LRRC37A2: variants seen among roughly 807,000 people sequenced by gnomAD.
LRRC37A2 encodes the protein leucine rich repeat containing 37 member A2.
A neutral mutation model predicts 68.8 loss-of-function variants in LRRC37A2; 9 were observed. That is an observed-to-expected ratio of 0.13 (90% CI 0.08 to 0.23). The LOEUF (loss-of-function observed/expected upper bound fraction) is 0.23. Among genes scored for constraint, LRRC37A2 ranks in the 10% least tolerant of loss-of-function variants. LRRC37A2 has a pLI of 1.00. For synonymous variants in LRRC37A2, 63 were observed against 367.6 expected, an observed-to-expected ratio of 0.17 and a Z score of 9.48; for missense variants, 168 against 950.4, an observed-to-expected ratio of 0.18 and a Z score of 10.82.
the LRRC37A2 span, among the ~76,000 whole-genome samples, chr17:46,785,068 T>C: frequency 8.4e-4 from 128 of 152,276 alleles, no homozygotes; most frequent in East Asian, 3.1e-3. Flanking sequence ...TGAGCCACCG[T>C]GCCCGGCCTC....
At chr17:47,013,005 A>G in the LRRC37A2 span, among the ~76,000 whole-genome samples, 12 of 152,384 alleles carry the variant, frequency 7.9e-5, no homozygotes, top group East Asian at 2.3e-3. Flanking sequence ...GTCTATTCAT[A>G]CAATGGAATA....
At chr17:46,684,901 G>T in the LRRC37A2 span, among the ~76,000 whole-genome samples, 1 of 102,714 alleles carries the variant, frequency 9.7e-6, no homozygotes, top group African/African-American at 3.7e-5. Context: ...GTAATTTCTA[G>T]TGTGATGAAA....
the LRRC37A2 span, among the ~76,000 whole-genome samples, chr17:46,697,384 G>A: frequency 4.7e-5 from 7 of 148,898 alleles, no homozygotes; most frequent in Non-Finnish European, 8.9e-5. Flanking sequence ...CTAATTTTTT[G>A]TATCTTTAGT....
At chr17:46,765,894 G>A in the LRRC37A2 span, among the ~76,000 whole-genome samples, 1 of 152,244 alleles carries the variant, frequency 6.6e-6, no homozygotes, top group African/African-American at 2.4e-5. Flanking sequence ...AGGCAGAAGA[G>A]CTGGCCTGGG....
chr17:46,492,973 C>T, the LRRC37A2 span, among the ~76,000 whole-genome samples: 7 of 148,046 alleles, frequency 4.7e-5, 1 homozygote, highest in African/African-American at 1.3e-4. Context: ...GGATTACAGA[C>T]GTGAGCCACT....
the LRRC37A2 span, among the ~76,000 whole-genome samples, chr17:46,922,283 T>C: frequency 6.6e-6 from 1 of 151,012 alleles, no homozygotes; most frequent in African/African-American, 2.4e-5. Context: ...AACTGAACGA[T>C]GAGAACACTT....
chr17:46,705,045 AT>A, the LRRC37A2 span, among the ~76,000 whole-genome samples: 1 of 149,530 alleles, frequency 6.7e-6, no homozygotes, highest in African/African-American at 2.5e-5. Context: ...GGCTGGTGAT[AT>A]TATTTACTGA....
chr17:46,500,751 A>G, the LRRC37A2 span, among the ~76,000 whole-genome samples: 1 of 151,164 alleles, frequency 6.6e-6, no homozygotes, highest in Non-Finnish European at 1.5e-5. Context: ...AAGTTTGAAG[A>G]TAACTTCTGG....
the LRRC37A2 span, among the ~76,000 whole-genome samples, chr17:46,610,099 T>C: frequency 2.3e-4 from 21 of 89,498 alleles, 4 homozygotes; most frequent in East Asian, 7.4e-4. Context: ...TTTTCTCTCT[T>C]TCTCTCTCTC....
the LRRC37A2 span, among the ~76,000 whole-genome samples, chr17:46,916,293 G>C: frequency 9.9e-5 from 15 of 152,192 alleles, no homozygotes; most frequent in African/African-American, 3.6e-4. Context: ...TTCCAGGTGA[G>C]GGCCAGATGT....
chr17:46,934,565 T>TTAAC, the LRRC37A2 span, among the ~76,000 whole-genome samples: 1 of 152,070 alleles, frequency 6.6e-6, no homozygotes, highest in African/African-American at 2.4e-5. Flanking sequence ...CTATCCTTAG[T>TTAAC]TAACTCTCAG....
chr17:46,887,110 C>T, the LRRC37A2 span, among the ~76,000 whole-genome samples: 2 of 152,164 alleles, frequency 1.3e-5, no homozygotes, highest in Non-Finnish European at 2.9e-5. Context: ...AGCCACTGTG[C>T]CCGGCCAGCA....
At chr17:46,993,344 AG>A in the LRRC37A2 span, among the ~76,000 whole-genome samples, 2 of 152,256 alleles carry the variant, frequency 1.3e-5, no homozygotes, top group Non-Finnish European at 2.9e-5. Context: ...CAGGCACTGC[AG>A]CCTCCAAGCC....
the LRRC37A2 span, among the ~76,000 whole-genome samples, chr17:46,919,802 C>T: frequency 6.6e-6 from 1 of 152,076 alleles, no homozygotes; most frequent in Non-Finnish European, 1.5e-5. Context: ...CAAAAATTAG[C>T]TGGGCGTGGT....
At chr17:46,860,702 G>A in the LRRC37A2 span, among the ~76,000 whole-genome samples, 2 of 152,200 alleles carry the variant, frequency 1.3e-5, no homozygotes, top group South Asian at 4.1e-4. Context: ...GGTGACATCT[G>A]TTCCTTCTTC....
At chr17:46,876,572 A>G in the LRRC37A2 span, 1 of 1,613,606 alleles carries the variant, frequency 6.2e-7, no homozygotes. Context: ...CCGGGAGGCC[A>G]GCTGCAGCAG....
chr17:46,896,746 A>G, the LRRC37A2 span, among the ~76,000 whole-genome samples: 1 of 152,116 alleles, frequency 6.6e-6, no homozygotes, highest in Non-Finnish European at 1.5e-5. Flanking sequence ...GCTTTCTATG[A>G]TGTCCGTCCC....
the LRRC37A2 span, chr17:46,929,375 C>G: frequency 2.9e-6 from 2 of 692,402 alleles, no homozygotes; most frequent in South Asian, 3.0e-5. Flanking sequence ...AACGTGGGAC[C>G]TAAAGTGCCA....
At chr17:46,691,821 C>T in the LRRC37A2 span, among the ~76,000 whole-genome samples, 31 of 151,256 alleles carry the variant, frequency 2.0e-4, 1 homozygote, top group African/African-American at 7.3e-4. Flanking sequence ...GGTGCAGTCT[C>T]GGCTCACTGC....
Sources: gnomAD v4.1 joint callset for allele counts (sites outside exome capture counted in the v4.1 genomes callset) on GRCh38, gnomAD v4.1.1 for gene constraint, MANE v1.5 for transcripts, NCBI Gene and HGNC (gene_info 2026-07-23, HGNC 2026-07-21) for gene names.